GRHL3: variants seen among roughly 807,000 people sequenced by gnomAD.
GRHL3 encodes grainyhead like transcription factor 3.
GRHL3 carries 20 observed loss-of-function variants against 70.3 expected under a neutral mutation model. The ratio of observed to expected loss-of-function variants is 0.28; its 90% CI spans 0.20 to 0.41. GRHL3 has a LOEUF of 0.41. GRHL3 is among the 10% of genes least tolerant of loss of function. The probability of loss-of-function intolerance (pLI) is 1.00; values close to 1 mark genes in which losing one functional copy is unlikely to be tolerated. For synonymous variants in GRHL3, 299 were observed against 299.9 expected, an observed-to-expected ratio of 1.00 and a Z score of 0.03; for missense variants, 637 against 762.3, an observed-to-expected ratio of 0.84 and a Z score of 1.94.
intron 2 of GRHL3, among the ~76,000 whole-genome samples, chr1:24,333,661 G>A (rs917952665): frequency 3.3e-5 from 5 of 152,154 alleles, no homozygotes; most frequent in African/African-American, 1.2e-4. Flanking sequence ...TAAGGGACTT[G>A]TGTAAGGTCA....
In GRHL3 at chr1:24,334,801, G is replaced by A; in HGVS notation, c.266+95G>A. The A allele has an allele frequency of 1.2e-6, 1 of 809,870 alleles. No individual in the cohort carries two copies. Among genetic ancestry groups the A allele is most frequent in the Non-Finnish European group, 2.0e-6 (1 of 504,092 alleles). The allele number at this position is 809,870 out of a possible 1,614,324, so 50.2% of individuals were successfully genotyped here. A position where few individuals can be genotyped will look rare whatever the true frequency, so the allele number is the denominator to read the frequency against. The stretch of plus-strand genomic sequence containing the variant: ...TTTGACTTATCCATTAGGCACAGGA[G>A]GCACAGTGCTGAGGGCCCACAACAC... On this transcript the variant is annotated intron_variant, in intron 3 of 15. Transcript: ENST00000361548. This position sits in a 1 kb window ranked among gnomAD's most constrained non-coding sequence, Gnocchi z 4.3.
chr1:24,339,810 T>C, intron 8 of GRHL3, 48 bp downstream of exon 8: 1 of 1,289,684 alleles, frequency 7.8e-7, no homozygotes, highest in Non-Finnish European at 1.1e-6. Context: ...TGCCTGGAAG[T>C]CCCTATTCTG....
chr1:24,354,512 C>A lies in GRHL3; in HGVS notation c.*24C>A. 6.8e-7 allele frequency: 1 copy of A among 1,469,554 alleles called. No homozygotes were observed. Among genetic ancestry groups the A allele is most frequent in the Admixed American group, 1.7e-5 (1 of 59,666 alleles). The allele number at this position is 1,469,554 out of a possible 1,614,324, so 91.0% of individuals were successfully genotyped here. A position where few individuals can be genotyped will look rare whatever the true frequency, so the allele number is the denominator to read the frequency against. On this transcript the variant is annotated 3_prime_UTR_variant, in exon 16 of 16. Transcript: ENST00000361548. ...AAGGCCTCTCGAGCATCCAAACCCT[C>A]ACGACCTGCAAGGGGCCAGCAGGGA... is the stretch of plus-strand genomic sequence containing the variant.
At chr1:24,349,686 T>C (rs1210534107) in intron 14 of GRHL3, among the ~76,000 whole-genome samples, 1 of 152,174 alleles carries the variant, frequency 6.6e-6, no homozygotes, top group Non-Finnish European at 1.5e-5. Context: ...TTCAGGGAAA[T>C]GGTAGATGCT....
intron 1 of GRHL3, among the ~76,000 whole-genome samples, chr1:24,326,613 C>T (rs1054928537): frequency 1.3e-5 from 2 of 152,184 alleles, no homozygotes; most frequent in African/African-American, 4.8e-5. Flanking sequence ...TTATCTTATT[C>T]TCCCAGGACA....
At chr1:24,356,526 AC>A (rs1230095486), downstream of GRHL3, among the ~76,000 whole-genome samples, 1 of 152,242 alleles carries the variant, frequency 6.6e-6, no homozygotes, top group African/African-American at 2.4e-5. Context: ...GGCGTGAGCC[AC>A]CGTGTCCGGC....
At chr1:24,361,023 G>A (rs777707045) in intron 15 of GRHL3, 2 of 1,609,734 alleles carry the variant, frequency 1.2e-6, no homozygotes, top group South Asian at 1.1e-5. Flanking sequence ...GAGCAGAGAA[G>A]TTCAGGATGG....
chr1:24,343,366 C>T (rs753075130), intron 11 of GRHL3: 10 of 267,676 alleles, frequency 3.7e-5, no homozygotes, highest in Admixed American at 9.0e-5. Context: ...GTGCCAGGTG[C>T]GGCTCTGAGC....
In GRHL3 at chr1:24,342,266, G is replaced by A; in HGVS notation, c.1199G>A (p.Cys400Tyr). ...HRAVCQIKIF[C>Y]DKGAERKMRD... is the part of the protein sequence containing the mutation. ...GCTGTCTGCCAGATCAAGATCTTCT[G>A]TGACAAGGTGGCTGGACTGGGCAGA... The change falls in exon 9 of 16, where the codon TGT becomes TAT. Residue 400 changes from cysteine (C) to tyrosine (Y), a missense_variant. Coordinates refer to ENST00000361548, the MANE Select transcript of GRHL3 (RefSeq NM_198173.3). This position sits in a 1 kb window ranked among gnomAD's most constrained non-coding sequence, Gnocchi z 4.8. The A allele has an allele frequency of 6.2e-7, 1 of 1,606,214 alleles. No homozygotes were observed. Among genetic ancestry groups the A allele is most frequent in the Non-Finnish European group, 8.5e-7 (1 of 1,175,784 alleles).
intron 5 of GRHL3, chr1:24,337,425 T>A (rs1005557314): frequency 1.6e-6 from 1 of 606,988 alleles, no homozygotes. Context: ...CTAATTTTCA[T>A]TGGGCCCTCA....
chr1:24,329,078 C>T (rs1365589297), intron 1 of GRHL3, among the ~76,000 whole-genome samples: 1 of 152,158 alleles, frequency 6.6e-6, no homozygotes, highest in Non-Finnish European at 1.5e-5. Flanking sequence ...TCCTTGAGGC[C>T]CCTTGATTTA....
At position 24,336,736 on chromosome 1, in the gene GRHL3, G is replaced by C; in HGVS notation, c.521G>C (p.Gly174Ala). The change falls in exon 4 of 16, where the codon GGC becomes GCC. Residue 174 changes from glycine (G) to alanine (A), a missense_variant. Around this residue, in one of 2 missense-constraint regions of GRHL3, gnomAD observed 250 missense variants for 248.6 expected, o/e 1.01. Coordinates refer to ENST00000361548, the MANE Select transcript of GRHL3 (RefSeq NM_198173.3). The stretch of plus-strand genomic sequence containing the variant: ...CCCACCACTGATATGTATGATAATG[G>C]CTCCCTCAACTCCTTGTTTGAGAGC... ...LLPTTDMYDNGSLNSLFESIH... is the reference protein window; with the variant it reads ...LLPTTDMYDNASLNSLFESIH... 6.2e-7 allele frequency: 1 copy of C among 1,614,084 alleles called. No homozygotes were observed. Among genetic ancestry groups the C allele is most frequent in the Non-Finnish European group, 8.5e-7 (1 of 1,180,014 alleles).
rs908953686 is a variant in GRHL3, at chr1:24,336,602, G to T, written c.387G>T (p.Lys129Asn). ...CAGAGTACCCAGATTTGCTCAAGAAGAATAACCTGATGAGCTTGGAGGGGG... is the reference window on the plus strand; with the variant it reads ...CAGAGTACCCAGATTTGCTCAAGAATAATAACCTGATGAGCTTGGAGGGGG... Reference protein sequence around the residue: ...GTPEYPDLLKKNNLMSLEGAL... With the variant: ...GTPEYPDLLKNNNLMSLEGAL... Residue 129 changes from lysine (K) to asparagine (N), a missense_variant, in exon 4 of 16, where the codon AAG becomes AAT. By Grantham distance (94) the Lys-to-Asn change is moderately conservative (BLOSUM62 0). Transcript: ENST00000361548. The T allele has an allele frequency of 6.2e-7, 1 of 1,614,140 alleles. No homozygotes were observed. The highest frequency in any genetic ancestry group is 8.5e-7 in the Non-Finnish European group (1 of 1,180,000).
chr1:24,322,724 A>C lies in GRHL3; in HGVS notation c.17+3156A>C, dbSNP rs896985127. 1.3e-5 allele frequency among the ~76,000 whole-genome samples: 2 copies of C among 152,228 alleles called. No homozygotes were observed. Among genetic ancestry groups the C allele is most frequent in the Non-Finnish European group, 2.9e-5 (2 of 68,028 alleles). On this transcript the variant is annotated intron_variant, in intron 1 of 15. Coordinates refer to ENST00000361548, the MANE Select transcript of GRHL3 (RefSeq NM_198173.3). The surrounding 1 kb of genome is among the most constrained non-coding windows in gnomAD (Gnocchi z 4.4). ...GACCCACCGGAGGAGTGAAGAGGGA[A>C]AACGGGGCTGAAACCCAGATGGGAT...
downstream of GRHL3, chr1:24,358,552 C>A: frequency 6.2e-7 from 1 of 1,613,694 alleles, no homozygotes; most frequent in Non-Finnish European, 8.5e-7. Context: ...CCTACAGAAC[C>A]GGGATCCATT....
At chr1:24,333,910 C>T (rs1007864236) in intron 2 of GRHL3, among the ~76,000 whole-genome samples, 1 of 152,164 alleles carries the variant, frequency 6.6e-6, no homozygotes, top group African/African-American at 2.4e-5. Context: ...TTTTTATTAA[C>T]AAATATTCAT....
At chr1:24,325,248 G>A (rs1639348319) in intron 1 of GRHL3, among the ~76,000 whole-genome samples, 1 of 152,228 alleles carries the variant, frequency 6.6e-6, no homozygotes, top group Non-Finnish European at 1.5e-5. Context: ...TCTGTCCTGT[G>A]CCACACACCT....
At chr1:24,331,635 T>A (rs1255306891) in intron 2 of GRHL3, 23 bp downstream of exon 2, 1 of 1,593,726 alleles carries the variant, frequency 6.3e-7, no homozygotes, top group African/African-American at 1.3e-5. Context: ...CCTCTGGACA[T>A]GCCCCGTTTT....
chr1:24,360,767 A>G, intron 15 of GRHL3: 1 of 1,274,392 alleles, frequency 7.8e-7, no homozygotes, highest in South Asian at 1.5e-5. Context: ...AACAACCTAT[A>G]AATCAATGGC....
Sources: gnomAD v4.1 joint callset for allele counts (sites outside exome capture counted in the v4.1 genomes callset) on GRCh38, gnomAD v4.1.1 for gene constraint, gnomAD v4.1.1 regional missense constraint, Gnocchi (gnomAD v3.1) non-coding constraint, MANE v1.5 for transcripts, NCBI Gene and HGNC (gene_info 2026-07-23, HGNC 2026-07-21) for gene names.